PIK3C2A: variants seen among roughly 807,000 people sequenced by gnomAD.
PIK3C2A encodes phosphatidylinositol 4-phosphate 3-kinase C2 domain-containing subunit alpha.
A neutral mutation model predicts 204.5 loss-of-function variants in PIK3C2A; 97 were observed. That is an observed-to-expected ratio of 0.47 (90% CI 0.40 to 0.56). PIK3C2A has a LOEUF of 0.56. PIK3C2A is among the 20% of genes least tolerant of loss of function. The probability of loss-of-function intolerance (pLI) is 0.00; values close to 1 mark genes in which losing one functional copy is unlikely to be tolerated. For missense variants in PIK3C2A, 1,735 were observed against 1,969.2 expected (o/e 0.88, Z 2.25); for synonymous variants, 653 against 664.4 (o/e 0.98, Z 0.26).
intron 2 of PIK3C2A, among the ~76,000 whole-genome samples, chr11:17,163,372 G>A (rs1244568291): frequency 6.6e-6 from 1 of 152,114 alleles, no homozygotes; most frequent in East Asian, 1.9e-4. Context: ...TCTATGCAAT[G>A]TATTTTAACT....
rs756462941 is a variant in PIK3C2A at position 17,103,617 on chromosome 11, A to ATG, written c.3682-788_3682-787dup. On this transcript the variant is annotated intron_variant, in intron 23 of 32. Transcript: ENST00000691414. ...GGCACTTCTCTGTGTATGTGTGTAT[A>ATG]TGTGTGTGTGTGTGTATACATTAAC... Among the ~76,000 whole-genome samples, 657 of 151,912 alleles carry ATG rather than the reference A, an allele frequency of 4.3e-3. 2 individuals carry two copies. The highest frequency in any genetic ancestry group is 0.014 in the African/African-American group (583 of 41,452).
intron 1 of PIK3C2A, among the ~76,000 whole-genome samples, chr11:17,204,099 C>T (rs990497750): frequency 6.6e-6 from 1 of 151,670 alleles, no homozygotes; most frequent in African/African-American, 2.4e-5. Context: ...AAAGAGAGAT[C>T]CTCCTGCCTC....
At position 17,117,708 on chromosome 11, in the gene PIK3C2A, G is replaced by GTTTTT. The variant is rs35485246; in HGVS notation, c.3036-42_3036-38dup. ...AAATATTTATGTTAGTCACGTCTTG[G>GTTTTT]TTTTTTTTTTTTTTTTTTTTTTTTG... On this transcript the variant is annotated intron_variant, in intron 18 of 32. Transcript: ENST00000691414. 167 of 319,296 alleles carry GTTTTT rather than the reference G, an allele frequency of 5.2e-4. 1 individual carries two copies. The highest frequency in any genetic ancestry group is 8.9e-4 in the Middle Eastern group (1 of 1,124). 19.8% of individuals were successfully genotyped at this position (319,296 alleles called of 1,614,324 possible). A position where few individuals can be genotyped will look rare whatever the true frequency, so the allele number is the denominator to read the frequency against.
At chr11:17,099,084 G>A (rs577657591) in intron 26 of PIK3C2A, among the ~76,000 whole-genome samples, 52 of 152,224 alleles carry the variant, frequency 3.4e-4, no homozygotes, top group African/African-American at 1.2e-3. Flanking sequence ...TAGTGCAGAC[G>A]GGGTTTCTCC....
intron 1 of PIK3C2A, among the ~76,000 whole-genome samples, chr11:17,198,038 T>C (rs2137573332): frequency 6.6e-6 from 1 of 152,200 alleles, no homozygotes; most frequent in East Asian, 1.9e-4. Context: ...CATAGTTTTA[T>C]ATAACAGTGA....
intron 27 of PIK3C2A, among the ~76,000 whole-genome samples, chr11:17,095,606 T>A (rs1024183047): frequency 8.0e-5 from 12 of 149,628 alleles, no homozygotes; most frequent in Middle Eastern, 3.5e-3. Flanking sequence ...AATAAAAAAA[T>A]AAAAAAATAA....
intron 2 of PIK3C2A, among the ~76,000 whole-genome samples, chr11:17,166,035 T>G (rs1352627302): frequency 6.6e-6 from 1 of 152,200 alleles, no homozygotes; most frequent in African/African-American, 2.4e-5. Context: ...ATACCTCACT[T>G]GATTTTACTA....
At chr11:17,100,428 G>T (rs1426509790) in intron 25 of PIK3C2A, among the ~76,000 whole-genome samples, 2 of 151,922 alleles carry the variant, frequency 1.3e-5, no homozygotes, top group African/African-American at 4.8e-5. Context: ...TGCCATGTTG[G>T]CCAGGCTGGT....
At chr11:17,130,471 T>C (rs942927543) in intron 12 of PIK3C2A, among the ~76,000 whole-genome samples, 4 of 152,206 alleles carry the variant, frequency 2.6e-5, no homozygotes, top group Non-Finnish European at 5.9e-5. Flanking sequence ...GTTCTGCAAC[T>C]GTCTATCTGC....
At chr11:17,122,466 G>A (rs1424410442) in intron 14 of PIK3C2A, 133 bp from the exon 15 acceptor site, 3 of 651,978 alleles carry the variant, frequency 4.6e-6, no homozygotes, top group Non-Finnish European at 5.3e-6. Context: ...AATGCTTCTT[G>A]TTGCAATTGA....
At position 17,129,351 on chromosome 11, in the gene PIK3C2A, T is replaced by C; in HGVS notation, c.2348A>G (p.Lys783Arg). Residue 783 changes from lysine to arginine, a missense_variant, in exon 13 of 33, where the codon AAG becomes AGG. Transcript: ENST00000691414. ...AACTTTGCCCAAAGCTTCTGGTCCC[T>C]TTCTCTGCTTATTAGAATCAGGGGA... is the stretch of plus-strand genomic sequence containing the variant. ...GSSPDSNKQR[K>R]GPEALGKVSL... 6.2e-7 allele frequency: 1 copy of C among 1,613,918 alleles called. No homozygotes were observed. Among genetic ancestry groups the C allele is most frequent in the Non-Finnish European group, 8.5e-7 (1 of 1,179,818 alleles).
intron 1 of PIK3C2A, among the ~76,000 whole-genome samples, chr11:17,182,361 G>A (rs1221238930): frequency 6.6e-6 from 1 of 152,036 alleles, no homozygotes; most frequent in African/African-American, 2.4e-5. Context: ...GAGCCCAGGA[G>A]TTTGAGACCA....
rs1848201546 is a variant in PIK3C2A at position 17,088,154 on chromosome 11, T to C, written c.*1584A>G. The C allele has an allele frequency of 6.9e-6, 1 of 144,412 alleles. No homozygotes were observed. The highest frequency in any genetic ancestry group is 1.6e-5 in the Non-Finnish European group (1 of 63,670). The allele number at this position is 144,412 out of a possible 1,614,324, so 8.9% of individuals were successfully genotyped here. On this transcript the variant is annotated 3_prime_UTR_variant, in exon 33 of 33. Coordinates refer to ENST00000691414, the MANE Select transcript of PIK3C2A (RefSeq NM_002645.4). The stretch of plus-strand genomic sequence containing the variant: ...ACCATTTTTAAAGTATCTGTATTTC[T>C]ATTCTAACCATGAGTTCTTATTATA...
intron 1 of PIK3C2A, among the ~76,000 whole-genome samples, chr11:17,175,280 A>G (rs1363789294): frequency 6.6e-6 from 1 of 152,208 alleles, no homozygotes; most frequent in Non-Finnish European, 1.5e-5. Context: ...AGTATATGCT[A>G]AAGTAAATTC....
At position 17,173,963 on chromosome 11, in the gene PIK3C2A, C is replaced by T. The variant is rs185750538; in HGVS notation, c.-65-4157G>A. Among the ~76,000 whole-genome samples, 295 of 152,114 alleles carry T rather than the reference C, an allele frequency of 1.9e-3. 1 individual carries two copies. The highest frequency in any genetic ancestry group is 6.8e-3 in the African/African-American group (283 of 41,534). On this transcript the variant is annotated intron_variant, in intron 1 of 32. Coordinates refer to ENST00000691414, the MANE Select transcript of PIK3C2A (RefSeq NM_002645.4). ...GATTACAGGCGCTCGCCACCACACC[C>T]GGCTAATTTTTGTATTTTTAGTAGA...
At chr11:17,129,496 C>G (rs1849630911) in intron 12 of PIK3C2A, 29 bp from the exon 13 acceptor site, 1 of 1,398,476 alleles carries the variant, frequency 7.2e-7, no homozygotes, top group Non-Finnish European at 1.0e-6. Flanking sequence ...ATTAATAGAA[C>G]AAATTAGATT....
At chr11:17,163,294 C>A (rs924925953) in intron 2 of PIK3C2A, among the ~76,000 whole-genome samples, 1 of 152,082 alleles carries the variant, frequency 6.6e-6, no homozygotes, top group Non-Finnish European at 1.5e-5. Flanking sequence ...GGTGACAGAG[C>A]GAGACCCTGT....
chr11:17,121,594 C>T (rs1849369476), intron 15 of PIK3C2A, among the ~76,000 whole-genome samples: 1 of 152,156 alleles, frequency 6.6e-6, no homozygotes, highest in Non-Finnish European at 1.5e-5. Flanking sequence ...TTTTATACTT[C>T]TGCAAATAGT....
Position 17,117,630 on chromosome 11 carries a change from C to A in PIK3C2A, c.3077G>T (p.Arg1026Leu), listed in dbSNP as rs756345749. 2 of 1,606,320 alleles carry A rather than the reference C, an allele frequency of 1.2e-6. No individual in the cohort carries two copies. The highest frequency in any genetic ancestry group is 1.7e-6 in the Non-Finnish European group (2 of 1,175,398). The change falls in exon 19 of 33, where the codon CGA (arginine) becomes CTA (leucine). Residue 1026 changes from arginine to leucine, a missense_variant. By Grantham distance (102) the Arg-to-Leu change is moderately radical. Around this residue, in one of 6 missense-constraint regions of PIK3C2A, gnomAD observed 567 missense variants for 576.0 expected, o/e 0.98. Coordinates refer to ENST00000691414, the MANE Select transcript of PIK3C2A (RefSeq NM_002645.4). ...DALHDVQFST[R>L]YEHVLGALLS... The stretch of plus-strand genomic sequence containing the variant: ...GAGAGCACCCAAAACATGTTCGTAT[C>A]GGGTACTAAACTGTACATCATGCAG...
Sources: gnomAD v4.1 joint callset for allele counts (sites outside exome capture counted in the v4.1 genomes callset) on GRCh38, gnomAD v4.1.1 for gene constraint, gnomAD v4.1.1 regional missense constraint, MANE v1.5 for transcripts, NCBI Gene and HGNC (gene_info 2026-07-23, HGNC 2026-07-21) for gene names.